TIAM1: variants seen among roughly 807,000 people sequenced by gnomAD.
TIAM1 encodes the protein rho guanine nucleotide exchange factor TIAM1.
A neutral mutation model predicts 163.5 loss-of-function variants in TIAM1; 65 were observed. That is an observed-to-expected ratio of 0.40 (90% CI 0.33 to 0.49). TIAM1 has a LOEUF of 0.49. Ranked by LOEUF, TIAM1 falls within the 20% of genes least tolerant of loss-of-function variation. The pLI is 0.77. For missense variants in TIAM1, 1,789 were observed against 2,044.7 expected (o/e 0.87, Z 2.41); for synonymous variants, 833 against 810.1 (o/e 1.03, Z -0.48).
chr21:31,465,575 CT>C (rs71193124), intron 1 of TIAM1, among the ~76,000 whole-genome samples: 96 of 145,604 alleles, frequency 6.6e-4, no homozygotes, highest in Admixed American at 8.9e-4. Flanking sequence ...TAGTGATCTT[CT>C]TTTTTTTTTT....
Position 31,320,705 on chromosome 21 carries a change from A to G in TIAM1, c.-189+18538T>C, listed in dbSNP as rs2075281419. On this transcript the variant is annotated intron_variant, in intron 2 of 27. Coordinates refer to ENST00000541036, the MANE Select transcript of TIAM1 (RefSeq NM_001353694.2). ...GCTAAATGTGGAATTGAAAAAAAGG[A>G]GAGTTGGGCTGGGCGCGGCGGCTCA... is the stretch of plus-strand genomic sequence containing the variant. Among the ~76,000 whole-genome samples, 4 of 152,114 alleles carry G rather than the reference A, an allele frequency of 2.6e-5. No homozygotes were observed. In the South Asian group the frequency reaches 8.3e-4, roughly 31 times the overall value.
chr21:31,366,698 C>T (rs765044368), intron 2 of TIAM1, among the ~76,000 whole-genome samples: 65 of 152,176 alleles, frequency 4.3e-4, no homozygotes, highest in Non-Finnish European at 7.6e-4. Context: ...CTCACTGCAA[C>T]CTCCACATCC....
At chr21:31,202,099 A>G (rs1399483036) in intron 12 of TIAM1, among the ~76,000 whole-genome samples, 1 of 152,160 alleles carries the variant, frequency 6.6e-6, no homozygotes, top group Non-Finnish European at 1.5e-5. Flanking sequence ...CCGAGAAGCT[A>G]TATAAATACA....
At chr21:31,285,273 G>C (rs2073757684) in intron 2 of TIAM1, among the ~76,000 whole-genome samples, 1 of 152,180 alleles carries the variant, frequency 6.6e-6, no homozygotes, top group Non-Finnish European at 1.5e-5. Context: ...CTTGTGGGGG[G>C]GGCGGTGAGG....
intron 2 of TIAM1, among the ~76,000 whole-genome samples, chr21:31,282,934 A>C (rs1028492232): frequency 6.6e-6 from 1 of 152,272 alleles, no homozygotes; most frequent in Non-Finnish European, 1.5e-5. Flanking sequence ...GCAAGAGAAC[A>C]GATTCATACA....
At chr21:31,413,210 G>C (rs895343852) in intron 2 of TIAM1, among the ~76,000 whole-genome samples, 1 of 150,518 alleles carries the variant, frequency 6.6e-6, no homozygotes, top group East Asian at 1.9e-4. Context: ...CTTACTCCTG[G>C]CTTGTGCATG....
intron 2 of TIAM1, among the ~76,000 whole-genome samples, chr21:31,445,165 T>C (rs950501960): frequency 4.2e-5 from 2 of 48,156 alleles, no homozygotes; most frequent in African/African-American, 2.2e-4. Context: ...CGCAGGCTAA[T>C]GTGAGAAACA....
chr21:31,430,241 TATATATAC>T lies in TIAM1; in HGVS notation c.-369+33734_-369+33741del, dbSNP rs201343505. Reference sequence around the variant, plus strand: ...AAAAAAAAAAATATATATATATATATATATATACACACACACACACACACACACACACA... The same window carrying T: ...AAAAAAAAAAATATATATATATATATACACACACACACACACACACACACA... On this transcript the variant is annotated intron_variant, in intron 2 of 28. Coordinates refer to the TIAM1 transcript ENST00000286827. Among the ~76,000 whole-genome samples, 237 of 133,558 alleles carry T rather than the reference TATATATAC, an allele frequency of 1.8e-3. 2 individuals carry two copies. Among genetic ancestry groups the T allele is most frequent in the African/African-American group, 7.2e-3 (230 of 32,096 alleles). The allele number at this position is 133,558 out of a possible 152,430, so 87.6% of individuals were successfully genotyped here. A position where few individuals can be genotyped will look rare whatever the true frequency, so the allele number is the denominator to read the frequency against.
At chr21:31,222,519 A>G (rs1280181573) in intron 8 of TIAM1, among the ~76,000 whole-genome samples, 1 of 151,824 alleles carries the variant, frequency 6.6e-6, no homozygotes, top group Non-Finnish European at 1.5e-5. Context: ...CTGGCGAATC[A>G]CAGAGTTCTT....
At chr21:31,161,810 G>A (rs951027716) in intron 16 of TIAM1, among the ~76,000 whole-genome samples, 1 of 152,156 alleles carries the variant, frequency 6.6e-6, no homozygotes, top group East Asian at 1.9e-4. Flanking sequence ...GACAGCTAAC[G>A]ATTGAAAAAT....
chr21:31,186,101 C>T (rs1409792588), intron 14 of TIAM1, among the ~76,000 whole-genome samples: 2 of 152,184 alleles, frequency 1.3e-5, no homozygotes, highest in Admixed American at 6.5e-5. Flanking sequence ...GTTGCAAAGA[C>T]TTTCCAGGGG....
chr21:31,283,537 TTTTA>T (rs369790254), intron 2 of TIAM1, among the ~76,000 whole-genome samples: 1 of 151,148 alleles, frequency 6.6e-6, no homozygotes, highest in Non-Finnish European at 1.5e-5. Flanking sequence ...TCTTTCCCTT[TTTTA>T]TTTATTTATT....
intron 1 of TIAM1, among the ~76,000 whole-genome samples, chr21:31,551,097 C>G (rs1168945776): frequency 6.6e-6 from 1 of 152,070 alleles, no homozygotes; most frequent in Admixed American, 6.6e-5. Context: ...GCCTGTAATC[C>G]CAGCCACTTG....
chr21:31,184,325 G>T (rs748312787), intron 14 of TIAM1, among the ~76,000 whole-genome samples: 7 of 152,064 alleles, frequency 4.6e-5, no homozygotes, highest in South Asian at 4.1e-4. Flanking sequence ...AGGCTGGTCT[G>T]GAACTCCTCA....
chr21:31,225,076 A>G (rs1213920918), intron 7 of TIAM1, among the ~76,000 whole-genome samples: 1 of 151,966 alleles, frequency 6.6e-6, no homozygotes, highest in African/African-American at 2.4e-5. Flanking sequence ...CTGGAGTGCA[A>G]TGGCACAATC....
chr21:31,172,626 CTA>C (rs901128053), intron 15 of TIAM1, among the ~76,000 whole-genome samples: 1 of 152,106 alleles, frequency 6.6e-6, no homozygotes, highest in Non-Finnish European at 1.5e-5. Context: ...AGGGCTCGGT[CTA>C]GAGAGACAAA....
intron 1 of TIAM1, among the ~76,000 whole-genome samples, chr21:31,470,129 CAAGTAG>C (rs1157376058): frequency 7.3e-5 from 11 of 150,360 alleles, no homozygotes; most frequent in Admixed American, 6.6e-4. Flanking sequence ...CTCAGCCTCT[CAAGTAG>C]CTGGGACTAC....
intron 19 of TIAM1, among the ~76,000 whole-genome samples, chr21:31,151,599 G>A (rs1051407838): frequency 6.6e-6 from 1 of 152,140 alleles, no homozygotes; most frequent in Non-Finnish European, 1.5e-5. Flanking sequence ...CCACAAAAGG[G>A]CAGGACAAGA....
At chr21:31,277,195 T>C (rs1205315485) in intron 2 of TIAM1, among the ~76,000 whole-genome samples, 1 of 152,132 alleles carries the variant, frequency 6.6e-6, no homozygotes, top group East Asian at 1.9e-4. Flanking sequence ...ACTTTGCTGA[T>C]AAAACAGATT....
Sources: allele counts gnomAD v4.1 joint callset (sites outside exome capture counted in the v4.1 genomes callset), GRCh38; gene constraint gnomAD v4.1.1; transcripts MANE v1.5; gene names NCBI Gene and HGNC (gene_info 2026-07-23, HGNC 2026-07-21).